RBBP7: variants seen among roughly 807,000 people sequenced by gnomAD.
RBBP7 encodes the protein RB binding protein 7, chromatin remodeling factor.
RBBP7 carries 5 observed loss-of-function variants against 35.2 expected under a neutral mutation model. The ratio of observed to expected loss-of-function variants is 0.14; its 90% confidence interval spans 0.07 to 0.30. RBBP7 has a LOEUF of 0.30. Among genes scored for constraint, RBBP7 ranks in the 10% least tolerant of loss-of-function variants. RBBP7 has a pLI of 1.00. For missense variants in RBBP7, 155 were observed against 327.5 expected (o/e 0.47, Z 4.07); for synonymous variants, 140 against 118.7 (o/e 1.18, Z -1.17).
chrX:16,848,824 T>G (rs1930147843), intron 10 of RBBP7: 1 of 114,459 alleles, frequency 8.7e-6, no homozygotes, highest in Admixed American at 9.4e-5. Context: ...AGGGAGATAG[T>G]GGGCTCTGCT....
At chrX:16,864,953 G>A (rs1033471583) in intron 2 of RBBP7, among the ~76,000 whole-genome samples, 3 of 106,187 alleles carry the variant, frequency 2.8e-5, no homozygotes, top group Non-Finnish European at 5.8e-5. Context: ...GAAAGGGTAA[G>A]CCAGGTGCAG....
intron 4 of RBBP7, among the ~76,000 whole-genome samples, chrX:16,858,343 T>TA (rs1930395561): frequency 8.9e-6 from 1 of 111,994 alleles, no homozygotes; most frequent in Non-Finnish European, 1.9e-5. Context: ...CACATGTTCC[T>TA]ATGGTTTGCT....
intron 5 of RBBP7, 123 bp downstream of exon 5, chrX:16,857,471 T>C (rs1930377932): frequency 2.8e-6 from 3 of 1,065,071 alleles, no homozygotes; most frequent in East Asian, 6.5e-5. Flanking sequence ...CCTGGGGGAA[T>C]GTTACCACAA....
At position 16,861,831 on chromosome X, in the gene RBBP7, A is replaced by C. The variant is rs1328163057; in HGVS notation, c.307+1124T>G. On this transcript the variant is annotated intron_variant, in intron 3 of 11. Transcript: ENST00000380087. ...GCTAACTCCTGGGAACATGCACCTCAGAATGTTCTTTCTGTCACTGATGAA... is the reference window on the plus strand; with the variant it reads ...GCTAACTCCTGGGAACATGCACCTCCGAATGTTCTTTCTGTCACTGATGAA... 2.7e-5 allele frequency among the ~76,000 whole-genome samples: 3 copies of C among 111,861 alleles called. No homozygotes were observed. In the East Asian group the frequency reaches 8.4e-4, roughly 31 times the overall value.
intron 4 of RBBP7, 120 bp from the exon 5 acceptor site, chrX:16,857,829 T>A: frequency 1.0e-6 from 1 of 992,389 alleles, no homozygotes; most frequent in South Asian, 2.6e-5. Flanking sequence ...ATCTGGTCTT[T>A]AATACCCAAT....
At chrX:16,848,372 A>G (rs888983667) in intron 10 of RBBP7, 1 of 112,137 alleles carries the variant, frequency 8.9e-6, no homozygotes, top group Non-Finnish European at 1.9e-5. Flanking sequence ...ATATCTCAGT[A>G]AAGCCGTCAT....
chrX:16,862,775 T>G (rs1224619862), intron 3 of RBBP7, among the ~76,000 whole-genome samples, 180 bp downstream of exon 3: 2 of 112,212 alleles, frequency 1.8e-5, no homozygotes, highest in African/African-American at 6.5e-5. Context: ...TTGATCCTAA[T>G]TTTTCAATTC....
At chrX:16,868,055 TTTAAA>T (rs1483117988) in intron 2 of RBBP7, among the ~76,000 whole-genome samples, 1 of 112,097 alleles carries the variant, frequency 8.9e-6, no homozygotes, top group Non-Finnish European at 1.9e-5. Flanking sequence ...TTTAATCCTC[TTTAAA>T]TTATATGTCC....
chrX:16,849,004 A>C (rs1050360752), intron 10 of RBBP7: 1 of 297,443 alleles, frequency 3.4e-6, no homozygotes, highest in Non-Finnish European at 5.9e-6. Flanking sequence ...GTGAGAAATT[A>C]CTATATACTA....
intron 3 of RBBP7, among the ~76,000 whole-genome samples, chrX:16,859,734 G>T (rs1371761241): frequency 1.8e-5 from 2 of 111,668 alleles, no homozygotes; most frequent in Non-Finnish European, 3.8e-5. Flanking sequence ...AGCTCACCCT[G>T]TGTCTCAGGT....
chrX:16,848,347 T>C (rs1930134600), intron 10 of RBBP7: 1 of 111,975 alleles, frequency 8.9e-6, no homozygotes, highest in Admixed American at 9.5e-5. Context: ...AAGTGAACTG[T>C]GTGGTATGTA....
chrX:16,860,415 G>T (rs905206818), intron 3 of RBBP7, among the ~76,000 whole-genome samples: 1 of 111,519 alleles, frequency 9.0e-6, no homozygotes, highest in Non-Finnish European at 1.9e-5. Flanking sequence ...TTGGCCGGGC[G>T]TGGTGGCTCA....
chrX:16,853,289 C>T (rs1930256045), intron 6 of RBBP7: 1 of 165,524 alleles, frequency 6.0e-6, no homozygotes, highest in Non-Finnish European at 1.1e-5. Context: ...TTTTCCTCCT[C>T]GACCTCCAAC....
At chrX:16,867,628 C>A (rs754049437) in intron 2 of RBBP7, among the ~76,000 whole-genome samples, 3 of 110,793 alleles carry the variant, frequency 2.7e-5, no homozygotes, top group Non-Finnish European at 5.7e-5. Context: ...ATGGAGAACC[C>A]GGCCACTGTA....
At position 16,849,313 on chromosome X, in the gene RBBP7, A is replaced by C. The variant is rs773313848; in HGVS notation, c.1041-12T>G. On this transcript the variant is annotated splice_polypyrimidine_tract_variant and intron_variant, in intron 9 of 11. Transcript: ENST00000380087. ...CTTCCCCAATTTTACTGTAAGAATA[A>C]AGAATATAACGCTTTCATCAGTGAA... 2.5e-6 allele frequency: 3 copies of C among 1,200,959 alleles called. No homozygotes were observed. Among genetic ancestry groups the C allele is most frequent in the East Asian group, 3.0e-5 (1 of 33,768 alleles).
intron 4 of RBBP7, among the ~76,000 whole-genome samples, 180 bp downstream of exon 4, chrX:16,858,496 T>C (rs1460294111): frequency 8.9e-6 from 1 of 111,982 alleles, no homozygotes; most frequent in Non-Finnish European, 1.9e-5. Flanking sequence ...CTTTAGCTGT[T>C]AGTATAAGCT....
intron 8 of RBBP7, 23 bp from the exon 9 acceptor site, chrX:16,852,145 A>T (rs1488310168): frequency 9.0e-7 from 1 of 1,114,865 alleles, no homozygotes; most frequent in African/African-American, 1.8e-5. Context: ...AATTTTGAAA[A>T]TGTATTTAAA....
intron 1 of RBBP7, chrX:16,869,427 G>A (rs1930711978): frequency 2.7e-6 from 3 of 1,127,015 alleles, no homozygotes; most frequent in Non-Finnish European, 3.6e-6. Context: ...TACCCCCTGC[G>A]TACACCATGT....
intron 10 of RBBP7, chrX:16,848,015 A>T (rs1930124216): frequency 1.8e-5 from 2 of 112,448 alleles, no homozygotes; most frequent in Non-Finnish European, 3.8e-5. Flanking sequence ...AAATAGCTGG[A>T]GACCTTGAAA....
Sources: gnomAD v4.1 joint callset for allele counts (sites outside exome capture counted in the v4.1 genomes callset) on GRCh38, gnomAD v4.1.1 for gene constraint, MANE v1.5 for transcripts, NCBI Gene and HGNC (gene_info 2026-07-23, HGNC 2026-07-21) for gene names.